MEIS1: variants seen among roughly 807,000 people sequenced by gnomAD.
MEIS1 encodes Meis homeobox 1.
In MEIS1, 5 loss-of-function variants were observed where a neutral mutation model predicts 50.8. The observed-to-expected ratio is 0.10, with a 90% CI of 0.05 to 0.21. The LOEUF (loss-of-function observed/expected upper bound fraction) is 0.21, where lower values mean the gene tolerates loss of function less well. MEIS1 is among the 10% of genes least tolerant of loss of function. The probability of loss-of-function intolerance (pLI) is 1.00; values close to 1 mark genes in which losing one functional copy is unlikely to be tolerated. For missense variants in MEIS1, 318 were observed against 517.3 expected (o/e 0.61, Z 3.74); for synonymous variants, 176 against 179.3 (o/e 0.98, Z 0.15).
intron 2 of MEIS1, 27 bp from the exon 3 acceptor site, chr2:66,439,816 G>A: frequency 6.8e-6 from 11 of 1,610,438 alleles, no homozygotes; most frequent in South Asian, 1.1e-5. Flanking sequence ...CCATTATGTT[G>A]TTTGTGACTG....
At position 66,439,889 on chromosome 2, in the gene MEIS1, T is replaced by C; in HGVS notation, c.286T>C (p.Leu96=). The C allele has an allele frequency of 6.2e-7, 1 of 1,613,760 alleles. No homozygotes were observed. Among genetic ancestry groups the C allele is most frequent in the Non-Finnish European group, 8.5e-7 (1 of 1,179,854 alleles). Residue 96 remains leucine, a synonymous_variant, in exon 3 of 13, where the codon TTA becomes CTA. Transcript: ENST00000272369. ...LLALIFEKCE[L]ATCTPREPGV... is the part of the protein sequence containing the mutation. ...AGCACTGATTTTTGAGAAATGTGAA[T>C]TAGCTACTTGTACCCCCCGCGAGCC...
At chr2:66,552,435 A>G (rs1433391364) in intron 9 of MEIS1, among the ~76,000 whole-genome samples, 1 of 152,234 alleles carries the variant, frequency 6.6e-6, no homozygotes, top group African/African-American at 2.4e-5. Flanking sequence ...GTATTTATAT[A>G]TAGAGAAAAA....
chr2:66,555,064 A>G (rs1030446894), intron 9 of MEIS1, among the ~76,000 whole-genome samples: 4 of 152,196 alleles, frequency 2.6e-5, no homozygotes, highest in African/African-American at 9.6e-5. Context: ...TCAGGCATTC[A>G]ATCTTTTTCT....
chr2:66,562,947 A>AT (rs1333964605), intron 9 of MEIS1, among the ~76,000 whole-genome samples: 3 of 152,190 alleles, frequency 2.0e-5, no homozygotes, highest in South Asian at 2.1e-4. Flanking sequence ...CAAACGAGAC[A>AT]TTTTCTAACC....
chr2:66,484,811 T>C (rs13414423), intron 7 of MEIS1, among the ~76,000 whole-genome samples: 45,282 of 151,830 alleles, frequency 0.3, 9,461 homozygotes, highest in African/African-American at 0.59. Flanking sequence ...CCACCAGCCT[T>C]GGCCTGCCAA....
At chr2:66,478,559 A>T (rs1416238589) in intron 7 of MEIS1, among the ~76,000 whole-genome samples, 1 of 152,220 alleles carries the variant, frequency 6.6e-6, no homozygotes, top group Non-Finnish European at 1.5e-5. Context: ...GAGCTTCATG[A>T]TGAATTGGAA....
intron 9 of MEIS1, among the ~76,000 whole-genome samples, chr2:66,552,353 T>G (rs1462137584): frequency 6.6e-6 from 1 of 152,214 alleles, no homozygotes; most frequent in Non-Finnish European, 1.5e-5. Context: ...TGATATTAAA[T>G]GATTATCCCT....
At chr2:66,450,996 A>G (rs776224812) in intron 6 of MEIS1, among the ~76,000 whole-genome samples, 1 of 151,898 alleles carries the variant, frequency 6.6e-6, no homozygotes, top group Non-Finnish European at 1.5e-5. Flanking sequence ...TCATTTTCCT[A>G]TTGTAGTGCC....
chr2:66,445,787 G>T (rs1288220949), intron 6 of MEIS1, among the ~76,000 whole-genome samples: 1 of 152,186 alleles, frequency 6.6e-6, no homozygotes, highest in Non-Finnish European at 1.5e-5. Context: ...ACTTGACCTT[G>T]TAGCGTTAGT....
At chr2:66,515,067 T>C (rs1673931738) in intron 8 of MEIS1, among the ~76,000 whole-genome samples, 1 of 152,176 alleles carries the variant, frequency 6.6e-6, no homozygotes, top group Admixed American at 6.5e-5. Flanking sequence ...AGGAAGACTG[T>C]ACAAATTTTA....
chr2:66,442,398 A>G (rs1672012144), intron 5 of MEIS1, among the ~76,000 whole-genome samples: 1 of 151,922 alleles, frequency 6.6e-6, no homozygotes, highest in Non-Finnish European at 1.5e-5. Flanking sequence ...TCTAAAATAT[A>G]CCCCTTAGAG....
At chr2:66,487,309 A>G (rs940178073) in intron 7 of MEIS1, among the ~76,000 whole-genome samples, 2 of 152,216 alleles carry the variant, frequency 1.3e-5, no homozygotes, top group African/African-American at 4.8e-5. Flanking sequence ...GTAACTCACC[A>G]TTCCGTTTCA....
intron 7 of MEIS1, among the ~76,000 whole-genome samples, chr2:66,473,397 A>AAAATATATAT: frequency 1.9e-5 from 2 of 107,612 alleles, no homozygotes; most frequent in African/African-American, 5.8e-5. Context: ...AAAAAAAAAA[A>AAAATATATAT]ATATATATAT....
At chr2:66,473,565 C>T (rs191605469) in intron 7 of MEIS1, among the ~76,000 whole-genome samples, 6 of 151,632 alleles carry the variant, frequency 4.0e-5, no homozygotes, top group Admixed American at 1.3e-4. Flanking sequence ...ATATGATTTC[C>T]GTTGGGAACA....
At chr2:66,445,253 G>C (rs1463254845) in intron 6 of MEIS1, 1 of 152,262 alleles carries the variant, frequency 6.6e-6, no homozygotes, top group Non-Finnish European at 1.5e-5. Context: ...TGACCCCCTG[G>C]GGCTCACCCA....
intron 6 of MEIS1, among the ~76,000 whole-genome samples, chr2:66,457,566 T>C (rs1385758545): frequency 6.6e-6 from 1 of 152,202 alleles, no homozygotes; most frequent in Non-Finnish European, 1.5e-5. Context: ...CCTCAGATGG[T>C]ATCATTGATT....
In MEIS1 at chr2:66,471,655, G is replaced by A. The variant is rs554158788; in HGVS notation, c.742+7435G>A. Among the ~76,000 whole-genome samples, 12 of 152,294 alleles carry A rather than the reference G, an allele frequency of 7.9e-5. No individual in the cohort carries two copies. In the East Asian group the frequency reaches 2.3e-3, roughly 29 times the overall value. ...AGTAAGGAAGTATATGAATAATGAT[G>A]TTGTGTCAGTTCATCATTTAGCTCT... On this transcript the variant is annotated intron_variant, in intron 7 of 12. Transcript: ENST00000272369.
chr2:66,546,940 TC>T (rs1335172138), intron 8 of MEIS1, among the ~76,000 whole-genome samples: 1 of 152,190 alleles, frequency 6.6e-6, no homozygotes, highest in African/African-American at 2.4e-5. Flanking sequence ...CAATTTAGTT[TC>T]CATGGCACAG....
rs1355616743 is a variant in MEIS1 at position 66,571,569 on chromosome 2, C to G, written c.*361C>G. On this transcript the variant is annotated 3_prime_UTR_variant, in exon 13 of 13. Coordinates refer to ENST00000272369, the MANE Select transcript of MEIS1 (RefSeq NM_002398.3). ...CATTGTCTGCAATGGTGACTGATTT[C>G]AAATCATGTTTTTTCTGCAATGACT... 2.5e-5 allele frequency: 39 copies of G among 1,548,462 alleles called. No individual in the cohort carries two copies. Among genetic ancestry groups the G allele is most frequent in the Non-Finnish European group, 3.4e-5 (39 of 1,145,764 alleles).
Sources: gnomAD v4.1 joint callset for allele counts (sites outside exome capture counted in the v4.1 genomes callset) on GRCh38, gnomAD v4.1.1 for gene constraint, MANE v1.5 for transcripts, NCBI Gene and HGNC (gene_info 2026-07-23, HGNC 2026-07-21) for gene names.